DIAPH2: variants seen among roughly 807,000 people sequenced by gnomAD.
The protein encoded by DIAPH2 is diaphanous related formin 2, also known as protein diaphanous homolog 2.
Under a neutral mutation model 92.7 loss-of-function variants are expected in DIAPH2, and 35 were observed. That is an observed-to-expected ratio of 0.38 (90% CI 0.29 to 0.50). DIAPH2 has a LOEUF of 0.50. DIAPH2 is among the 20% of genes least tolerant of loss of function. The pLI, the probability that DIAPH2 is intolerant of heterozygous loss-of-function variation, is 0.94. For missense variants in DIAPH2, 701 were observed against 819.5 expected (o/e 0.86, Z 1.77); for synonymous variants, 301 against 280.4 (o/e 1.07, Z -0.73).
At chrX:97,488,629 A>C (rs1468692762) in intron 26 of DIAPH2, among the ~76,000 whole-genome samples, 1 of 111,584 alleles carries the variant, frequency 9.0e-6, no homozygotes, top group African/African-American at 3.3e-5. Context: ...TTTATATATA[A>C]TGTGGGATGA....
In DIAPH2 at chrX:97,214,941, CAAT is replaced by C. The variant is rs762043532; in HGVS notation, c.2720-32769_2720-32767del. Among the ~76,000 whole-genome samples the C allele has an allele frequency of 1.0e-4, 11 of 106,410 alleles. No individual in the cohort carries two copies. In the South Asian group the frequency reaches 4.2e-3, roughly 40 times the overall value. The allele number at this position is 106,410 out of a possible 115,157, so 92.4% of individuals were successfully genotyped here. A position where few individuals can be genotyped will look rare whatever the true frequency, so the allele number is the denominator to read the frequency against. On this transcript the variant is annotated intron_variant, in intron 22 of 26. Coordinates refer to ENST00000324765, the MANE Select transcript of DIAPH2 (RefSeq NM_006729.5). The stretch of plus-strand genomic sequence containing the variant: ...TGAGTTAGACAGAGTTTTTTTCTGA[CAAT>C]AATAGGTACAGTTTAGATAAGAAAT...
At chrX:96,806,916 A>C (rs1309380301) in intron 4 of DIAPH2, among the ~76,000 whole-genome samples, 1 of 108,533 alleles carries the variant, frequency 9.2e-6, no homozygotes, top group African/African-American at 3.4e-5. Flanking sequence ...AATTTTTTGT[A>C]TTTTCTTAGT....
intron 26 of DIAPH2, among the ~76,000 whole-genome samples, chrX:97,582,679 C>T (rs2071448713): frequency 9.2e-6 from 1 of 108,230 alleles, no homozygotes; most frequent in African/African-American, 3.4e-5. Context: ...CGAGGAGTAT[C>T]TTTGTGGCGT....
intron 22 of DIAPH2, among the ~76,000 whole-genome samples, chrX:97,218,924 C>T (rs1602425723): frequency 2.7e-5 from 3 of 111,395 alleles, no homozygotes; most frequent in Non-Finnish European, 5.7e-5. Flanking sequence ...GATATGGAAC[C>T]CATGGATACA....
chrX:97,141,834 A>G, intron 22 of DIAPH2, 40 bp downstream of exon 22: 4 of 1,154,036 alleles, frequency 3.5e-6, no homozygotes, highest in Non-Finnish European at 3.5e-6. Context: ...TCTCTTGCCT[A>G]TATGGTTTAA....
At chrX:97,300,966 G>GAAAAAA (rs2068697171) in intron 23 of DIAPH2, among the ~76,000 whole-genome samples, 1 of 15,581 alleles carries the variant, frequency 6.4e-5, no homozygotes, top group Non-Finnish European at 1.2e-4. Context: ...AAAAAAAAAA[G>GAAAAAA]AAGAAGAAGA....
intron 22 of DIAPH2, among the ~76,000 whole-genome samples, chrX:97,179,933 C>G (rs1432419276): frequency 9.0e-6 from 1 of 111,696 alleles, no homozygotes; most frequent in Non-Finnish European, 1.9e-5. Context: ...GAGACTTATT[C>G]ACTACCATGA....
At chrX:97,588,996 A>AATATATATAT (rs199558439) in intron 26 of DIAPH2, among the ~76,000 whole-genome samples, 3,561 of 31,594 alleles carry the variant, frequency 0.11, 348 homozygotes, top group South Asian at 0.16. Context: ...ATATTATAGA[A>AATATATATAT]ATATATATAT....
At chrX:97,043,743 ACTTT>A (rs2066462442) in intron 17 of DIAPH2, among the ~76,000 whole-genome samples, 1 of 112,087 alleles carries the variant, frequency 8.9e-6, no homozygotes, top group Non-Finnish European at 1.9e-5. Flanking sequence ...GTGAGCAGAG[ACTTT>A]CTTTCCCTAA....
chrX:97,598,138 GT>G (rs1393486075), intron 26 of DIAPH2, among the ~76,000 whole-genome samples: 6 of 111,655 alleles, frequency 5.4e-5, no homozygotes, highest in African/African-American at 1.6e-4. Flanking sequence ...GGCAGGATGT[GT>G]TAGTTGGGCG....
intron 4 of DIAPH2, among the ~76,000 whole-genome samples, chrX:96,817,005 T>A (rs1031249645): frequency 7.2e-5 from 8 of 111,456 alleles, no homozygotes; most frequent in African/African-American, 2.6e-4. Flanking sequence ...TCTCACTTAT[T>A]TGTGGGAGCT....
At chrX:96,917,129 A>T (rs922952751) in intron 8 of DIAPH2, among the ~76,000 whole-genome samples, 8 of 111,604 alleles carry the variant, frequency 7.2e-5, no homozygotes, top group Admixed American at 5.7e-4. Flanking sequence ...ACATCTTCTT[A>T]TGGAAATAAT....
chrX:97,513,778 T>C (rs1209249926), intron 26 of DIAPH2, among the ~76,000 whole-genome samples: 1 of 89,995 alleles, frequency 1.1e-5, no homozygotes, highest in Non-Finnish European at 2.2e-5. Flanking sequence ...AAGCTTAGTT[T>C]GGCTGGATAT....
At chrX:97,150,558 C>T (rs1222134922) in intron 22 of DIAPH2, among the ~76,000 whole-genome samples, 2 of 111,715 alleles carry the variant, frequency 1.8e-5, no homozygotes, top group African/African-American at 3.2e-5. Context: ...TGAAAAGCCT[C>T]CTCCTTGTCT....
chrX:96,754,501 C>T (rs1373319186), intron 3 of DIAPH2, among the ~76,000 whole-genome samples: 1 of 111,135 alleles, frequency 9.0e-6, no homozygotes, highest in Non-Finnish European at 1.9e-5. Flanking sequence ...GTCATGCCAC[C>T]CACCTTAACA....
At chrX:97,409,165 G>A (rs2069841609) in intron 25 of DIAPH2, among the ~76,000 whole-genome samples, 1 of 111,692 alleles carries the variant, frequency 9.0e-6, no homozygotes, top group African/African-American at 3.3e-5. Flanking sequence ...ATTTGGAGAT[G>A]AAAGAATGTC....
chrX:96,834,505 T>C (rs1220856299), intron 4 of DIAPH2, among the ~76,000 whole-genome samples: 1 of 112,188 alleles, frequency 8.9e-6, no homozygotes, highest in Non-Finnish European at 1.9e-5. Flanking sequence ...TAGTTACTCA[T>C]GTATAATCAG....
intron 5 of DIAPH2, among the ~76,000 whole-genome samples, chrX:96,890,557 G>A (rs1056371576): frequency 1.2e-4 from 13 of 111,237 alleles, no homozygotes; most frequent in South Asian, 7.7e-4. Context: ...TTGTCCTCTC[G>A]TGGGTAATTC....
intron 4 of DIAPH2, among the ~76,000 whole-genome samples, chrX:96,850,941 A>G (rs1282391221): frequency 2.7e-5 from 3 of 112,040 alleles, no homozygotes; most frequent in Non-Finnish European, 3.8e-5. Flanking sequence ...AGATTTGGCA[A>G]TGGAGTAAAG....
Sources: gnomAD v4.1 joint callset for allele counts (sites outside exome capture counted in the v4.1 genomes callset) on GRCh38, gnomAD v4.1.1 for gene constraint, MANE v1.5 for transcripts, NCBI Gene and HGNC (gene_info 2026-07-23, HGNC 2026-07-21) for gene names.